The following PIAS1 variants were observed in gnomAD, a reference collection of about 807,000 sequenced individuals.
The protein encoded by PIAS1 is protein inhibitor of activated STAT 1.
In PIAS1, 6 loss-of-function variants were observed where a neutral mutation model predicts 71.3. The ratio of observed to expected loss-of-function variants is 0.08; its 90% CI spans 0.05 to 0.17. The LOEUF (loss-of-function observed/expected upper bound fraction) is 0.17. PIAS1 is among the 10% of genes least tolerant of loss of function. The probability of loss-of-function intolerance (pLI) is 1.00; values close to 1 mark genes in which losing one functional copy is unlikely to be tolerated. For synonymous variants in PIAS1, 303 were observed against 292.9 expected (o/e 1.03, Z -0.35); for missense variants, 555 against 793.6 (o/e 0.70, Z 3.61).
At chr15:68,081,664 T>C (rs970377604) in intron 1 of PIAS1, among the ~76,000 whole-genome samples, 1 of 151,862 alleles carries the variant, frequency 6.6e-6, no homozygotes, top group African/African-American at 2.4e-5. Flanking sequence ...GAGATAAAAT[T>C]GAGGAAAATC....
intron 1 of PIAS1, among the ~76,000 whole-genome samples, chr15:68,056,214 T>C (rs556979524): frequency 1.6e-4 from 24 of 152,394 alleles, no homozygotes; most frequent in African/African-American, 5.5e-4. Context: ...TCAGTTGTTA[T>C]ACATGGACCA....
chr15:68,170,185 T>G (rs796798193), intron 8 of PIAS1, among the ~76,000 whole-genome samples: 3 of 152,268 alleles, frequency 2.0e-5, no homozygotes, highest in African/African-American at 7.2e-5. Flanking sequence ...AACAATCAGT[T>G]TTGCATGCCT....
At chr15:68,073,462 C>T (rs1006122590) in intron 1 of PIAS1, among the ~76,000 whole-genome samples, 4 of 152,090 alleles carry the variant, frequency 2.6e-5, no homozygotes, top group Admixed American at 1.3e-4. Context: ...TAAGAATTGA[C>T]AAGTAAACAG....
intron 2 of PIAS1, among the ~76,000 whole-genome samples, chr15:68,111,645 C>T (rs1002526095): frequency 2.0e-5 from 3 of 151,828 alleles, no homozygotes; most frequent in South Asian, 2.1e-4. Context: ...GTACAGGTTG[C>T]GTTGAAATAA....
chr15:68,180,856 G>A (rs571836788), intron 11 of PIAS1, among the ~76,000 whole-genome samples: 10 of 152,232 alleles, frequency 6.6e-5, no homozygotes, highest in Non-Finnish European at 1.0e-4. Context: ...AAGGGTTTCC[G>A]ACTTTCATTT....
At chr15:68,154,297 G>C (rs2092871670) in intron 7 of PIAS1, among the ~76,000 whole-genome samples, 1 of 152,174 alleles carries the variant, frequency 6.6e-6, no homozygotes, top group South Asian at 2.1e-4. Context: ...AAATGGGGCT[G>C]TGCTGACCTC....
chr15:68,142,241 C>T, intron 3 of PIAS1, 49 bp from the exon 4 acceptor site: 1 of 1,478,260 alleles, frequency 6.8e-7, no homozygotes, highest in South Asian at 1.2e-5. Flanking sequence ...AATGAACTTT[C>T]ATGCAAATAC....
intron 2 of PIAS1, among the ~76,000 whole-genome samples, chr15:68,104,801 A>G (rs1478060627): frequency 1.3e-5 from 2 of 152,208 alleles, no homozygotes; most frequent in East Asian, 3.8e-4. Flanking sequence ...CATATTCCAT[A>G]AATATGTACA....
intron 2 of PIAS1, among the ~76,000 whole-genome samples, chr15:68,126,925 G>T (rs188669334): frequency 5.3e-5 from 8 of 149,624 alleles, no homozygotes; most frequent in Admixed American, 2.0e-4. Context: ...CATTTTTTTT[G>T]ACTTATTTTA....
intron 3 of PIAS1, 97 bp from the exon 4 acceptor site, chr15:68,142,183 TATATTTATGA>T: frequency 1.9e-6 from 2 of 1,027,180 alleles, no homozygotes; most frequent in Non-Finnish European, 3.0e-6. Context: ...TAAGAACAGT[TATATTTATGA>T]TAATTTGAAA....
At chr15:68,055,083 C>T (rs940195102) in intron 1 of PIAS1, 15 of 383,496 alleles carry the variant, frequency 3.9e-5, no homozygotes, top group African/African-American at 1.3e-4. Flanking sequence ...GGGAGAAACC[C>T]CCTCGAAGAG....
chr15:68,149,992 TTC>T (rs1427229350), intron 6 of PIAS1, among the ~76,000 whole-genome samples: 1 of 152,180 alleles, frequency 6.6e-6, no homozygotes, highest in Non-Finnish European at 1.5e-5. Flanking sequence ...AATGATGTAT[TTC>T]TATATTTCTC....
At chr15:68,055,161 G>A (rs1008732585) in intron 1 of PIAS1, 143 of 980,910 alleles carry the variant, frequency 1.5e-4, no homozygotes, top group Non-Finnish European at 1.7e-4. Context: ...TGCCTTAGCT[G>A]GTGTGGAGGG....
chr15:68,069,822 A>G (rs2092073682), intron 1 of PIAS1, among the ~76,000 whole-genome samples: 1 of 149,700 alleles, frequency 6.7e-6, no homozygotes, highest in African/African-American at 2.5e-5. Flanking sequence ...AAAAAAAAAA[A>G]GAAATTACAT....
intron 2 of PIAS1, among the ~76,000 whole-genome samples, chr15:68,118,320 CAAAA>C (rs35273377): frequency 7.0e-6 from 1 of 143,186 alleles, no homozygotes. Flanking sequence ...GTGTCTGTCT[CAAAA>C]AAAAAAAAAA....
intron 7 of PIAS1, among the ~76,000 whole-genome samples, chr15:68,161,489 T>G (rs754237656): frequency 4.1e-4 from 53 of 127,728 alleles, no homozygotes; most frequent in Admixed American, 1.1e-3. Context: ...AAGGCATAGG[T>G]TTTTTTTTTT....
Position 68,192,652 on chromosome 15 carries a change from T to A in PIAS1, c.*4817T>A, listed in dbSNP as rs767043865. On this transcript the variant is annotated 3_prime_UTR_variant, in exon 14 of 14. Coordinates refer to ENST00000249636, the MANE Select transcript of PIAS1 (RefSeq NM_016166.3). The stretch of plus-strand genomic sequence containing the variant: ...ATCGTTGAGACAGTTGCACTAACAC[T>A]ACAACTCTTGTTCCCTGCAGTTTTC... 5 of 152,228 alleles carry A rather than the reference T, an allele frequency of 3.3e-5. No homozygotes were observed. The highest frequency in any genetic ancestry group is 7.3e-5 in the Non-Finnish European group (5 of 68,058). The allele number at this position is 152,228 out of a possible 1,614,324, so 9.4% of individuals were successfully genotyped here. A position where few individuals can be genotyped will look rare whatever the true frequency, so the allele number is the denominator to read the frequency against.
chr15:68,067,616 A>G (rs187012914), intron 1 of PIAS1, among the ~76,000 whole-genome samples: 82 of 152,222 alleles, frequency 5.4e-4, no homozygotes, highest in Admixed American at 1.0e-3. Flanking sequence ...ATATATAATA[A>G]TGATTCTTAA....
chr15:68,071,343 G>T (rs544276366), intron 1 of PIAS1, among the ~76,000 whole-genome samples: 1 of 148,102 alleles, frequency 6.8e-6, no homozygotes, highest in East Asian at 2.0e-4. Context: ...AGCCTCCTGA[G>T]TAGCTGGGAT....
Sources: allele counts gnomAD v4.1 joint callset (sites outside exome capture counted in the v4.1 genomes callset), GRCh38; gene constraint gnomAD v4.1.1; transcripts MANE v1.5; gene names NCBI Gene and HGNC (gene_info 2026-07-23, HGNC 2026-07-21).